Variants in NAA15 observed in about 807,000 individuals in gnomAD.
The protein encoded by NAA15 is N-alpha-acetyltransferase 15, NatA auxiliary subunit.
In NAA15, 34 loss-of-function variants were observed where a neutral mutation model predicts 114.0. That is an observed-to-expected ratio of 0.30 (90% CI 0.23 to 0.40). NAA15 has a LOEUF of 0.40. Among genes scored for constraint, NAA15 ranks in the 10% least tolerant of loss-of-function variants. NAA15 has a pLI of 1.00. For synonymous variants in NAA15, 340 were observed against 338.0 expected, an observed-to-expected ratio of 1.01 and a Z score of -0.06; for missense variants, 658 against 1,004.5, an observed-to-expected ratio of 0.66 and a Z score of 4.66.
At position 139,390,204 on chromosome 4, in the gene NAA15, T is replaced by G. The variant is rs1268475881; in HGVS notation, c.*2120T>G. The G allele has an allele frequency of 1.3e-5, 2 of 152,682 alleles. No individual in the cohort carries two copies. The highest frequency in any genetic ancestry group is 4.8e-5 in the African/African-American group (2 of 41,466). 9.5% of individuals were successfully genotyped at this position (152,682 alleles called of 1,614,324 possible). ...TCATAAGTACTCAGAACTCTTAAGA[T>G]GCAGATGCCACCCGTGAGGAGCTAA... On this transcript the variant is annotated 3_prime_UTR_variant, in exon 20 of 20. Transcript: ENST00000296543.
intron 17 of NAA15, among the ~76,000 whole-genome samples, chr4:139,380,883 GT>G (rs1748732218): frequency 6.6e-6 from 1 of 152,078 alleles, no homozygotes; most frequent in Non-Finnish European, 1.5e-5. Flanking sequence ...TACCCCAAGG[GT>G]TTCTTTAACT....
chr4:139,363,309 C>T (rs1409728314), intron 14 of NAA15, among the ~76,000 whole-genome samples: 1 of 152,180 alleles, frequency 6.6e-6, no homozygotes, highest in Non-Finnish European at 1.5e-5. Flanking sequence ...ATATGAAGAT[C>T]CCCTTTCACT....
chr4:139,305,521 C>T (rs1579077023), intron 1 of NAA15, among the ~76,000 whole-genome samples: 1 of 147,552 alleles, frequency 6.8e-6, no homozygotes. Flanking sequence ...TCAAGTGTTG[C>T]TAGGTTGGTA....
chr4:139,301,514 T>G lies in NAA15; in HGVS notation c.-264T>G, dbSNP rs571780756. 3 of 469,140 alleles carry G rather than the reference T, an allele frequency of 6.4e-6. No individual in the cohort carries two copies. The highest frequency in any genetic ancestry group is 1.1e-5 in the Non-Finnish European group (3 of 264,020). 29.1% of individuals were successfully genotyped at this position (469,140 alleles called of 1,614,324 possible). A position where few individuals can be genotyped will look rare whatever the true frequency, so the allele number is the denominator to read the frequency against. ...CCGCGTCCGCCATTTTGGCTGCCTCTGTCGGTCTGTTCAGTTACCACGTGA... is the reference window on the plus strand; with the variant it reads ...CCGCGTCCGCCATTTTGGCTGCCTCGGTCGGTCTGTTCAGTTACCACGTGA... On this transcript the variant is annotated 5_prime_UTR_variant, in exon 1 of 20. Coordinates refer to ENST00000296543, the MANE Select transcript of NAA15 (RefSeq NM_057175.5).
chr4:139,355,032 C>A (rs1316090759), intron 10 of NAA15, among the ~76,000 whole-genome samples: 1 of 152,132 alleles, frequency 6.6e-6, no homozygotes, highest in African/African-American at 2.4e-5. Context: ...TGCCACCACG[C>A]CTGGCTAATT....
At chr4:139,334,998 G>C (rs1242104110) in intron 2 of NAA15, among the ~76,000 whole-genome samples, 1 of 151,916 alleles carries the variant, frequency 6.6e-6, no homozygotes, top group Non-Finnish European at 1.5e-5. Flanking sequence ...GTTTGGAGAT[G>C]GAAAACAATG....
chr4:139,367,962 C>G (rs1748330394), intron 14 of NAA15, among the ~76,000 whole-genome samples: 1 of 152,196 alleles, frequency 6.6e-6, no homozygotes, highest in African/African-American at 2.4e-5. Context: ...AAGGGCTCAT[C>G]TGCAGCCTCC....
chr4:139,332,866 G>A (rs909966760), intron 1 of NAA15, among the ~76,000 whole-genome samples: 5 of 152,106 alleles, frequency 3.3e-5, no homozygotes, highest in African/African-American at 1.2e-4. Flanking sequence ...ACAAGCATGA[G>A]CCACCGTGCC....
chr4:139,363,936 A>G (rs1380640899), intron 14 of NAA15, among the ~76,000 whole-genome samples: 1 of 152,240 alleles, frequency 6.6e-6, no homozygotes, highest in African/African-American at 2.4e-5. Flanking sequence ...TCTGGAGTCC[A>G]CTAGTGCGAT....
chr4:139,380,451 C>T (rs2110998324), intron 17 of NAA15, among the ~76,000 whole-genome samples: 1 of 152,058 alleles, frequency 6.6e-6, no homozygotes, highest in African/African-American at 2.4e-5. Flanking sequence ...AACCTAAATC[C>T]TTTTGAGTTA....
chr4:139,309,626 T>C (rs1746150993), intron 1 of NAA15, among the ~76,000 whole-genome samples: 1 of 152,172 alleles, frequency 6.6e-6, no homozygotes, highest in African/African-American at 2.4e-5. Context: ...GCAGTATGAA[T>C]GAACAAATAT....
At chr4:139,320,532 A>G (rs1422184466) in intron 1 of NAA15, among the ~76,000 whole-genome samples, 1 of 151,678 alleles carries the variant, frequency 6.6e-6, no homozygotes, top group African/African-American at 2.4e-5. Context: ...TTATTTATTT[A>G]TGTTTTGACA....
chr4:139,348,123 C>T (rs1484034585), intron 6 of NAA15, among the ~76,000 whole-genome samples: 1 of 151,248 alleles, frequency 6.6e-6, no homozygotes, highest in African/African-American at 2.4e-5. Flanking sequence ...TCATAGAGTT[C>T]TGAGAATTGA....
rs141219667 is a variant in NAA15, at chr4:139,348,515, A to G, written c.692-947A>G. Among the ~76,000 whole-genome samples, 1,325 of 152,022 alleles carry G rather than the reference A, an allele frequency of 8.7e-3. 14 individuals are homozygous for G. The highest frequency in any genetic ancestry group is 0.034 in the South Asian group (163 of 4,812). ...TACTCAGTAAGTGTTCATTTTTATT[A>G]TCAAATGAGAGCGAAAGATATAACA... On this transcript the variant is annotated intron_variant, in intron 6 of 19. Transcript: ENST00000296543.
intron 1 of NAA15, among the ~76,000 whole-genome samples, chr4:139,325,425 A>C (rs1464757682): frequency 6.6e-6 from 1 of 152,192 alleles, no homozygotes; most frequent in East Asian, 1.9e-4. Context: ...GGGGTAAGTT[A>C]CTTGTTTTCT....
At chr4:139,356,015 CT>C (rs896939788) in intron 10 of NAA15, among the ~76,000 whole-genome samples, 1 of 152,086 alleles carries the variant, frequency 6.6e-6, no homozygotes, top group Non-Finnish European at 1.5e-5. Context: ...TTTAAAATTT[CT>C]TTACCAGTTT....
intron 3 of NAA15, among the ~76,000 whole-genome samples, chr4:139,337,215 G>T (rs1443397597): frequency 1.3e-5 from 2 of 152,178 alleles, no homozygotes; most frequent in African/African-American, 4.8e-5. Context: ...AGGGGGCATT[G>T]CTAGGGTCTG....
chr4:139,353,778 T>A (rs1314634159), intron 9 of NAA15, among the ~76,000 whole-genome samples: 4 of 152,180 alleles, frequency 2.6e-5, no homozygotes, highest in African/African-American at 9.7e-5. Flanking sequence ...GTCCAACTCT[T>A]CCTGATTTCT....
chr4:139,301,589 G>C lies in NAA15; in HGVS notation c.-189G>C, dbSNP rs1488549322. Reference sequence around the variant, plus strand: ...GGGAGGCGGCGGCAGCGTTAAGTGAGAAAGGAAAAAAGACAACGAGGAAAA... The same window carrying C: ...GGGAGGCGGCGGCAGCGTTAAGTGACAAAGGAAAAAAGACAACGAGGAAAA... On this transcript the variant is annotated 5_prime_UTR_variant, in exon 1 of 20. Transcript: ENST00000296543. 3.1e-6 allele frequency: 2 copies of C among 639,598 alleles called. No individual in the cohort carries two copies. The highest frequency in any genetic ancestry group is 3.9e-5 in the South Asian group (2 of 51,012). 39.6% of individuals were successfully genotyped at this position (639,598 alleles called of 1,614,324 possible).
Sources: gnomAD v4.1 joint callset for allele counts (sites outside exome capture counted in the v4.1 genomes callset) on GRCh38, gnomAD v4.1.1 for gene constraint, MANE v1.5 for transcripts, NCBI Gene and HGNC (gene_info 2026-07-23, HGNC 2026-07-21) for gene names.